Variants in SP140L observed in about 807,000 individuals in gnomAD.
SP140L encodes SP140 like nuclear body protein, also known as nuclear body protein SP140-like protein.
In SP140L, 64 loss-of-function variants were observed where a neutral mutation model predicts 84.3. The observed-to-expected ratio is 0.76, with a 90% CI of 0.62 to 0.94. The LOEUF is 0.94. Among genes scored for constraint, SP140L ranks in the 40% least tolerant of loss-of-function variants. SP140L has a pLI of 0.00. For synonymous variants in SP140L, 242 were observed against 236.9 expected (o/e 1.02, Z -0.20); for missense variants, 628 against 692.5 (o/e 0.91, Z 1.05).
chr2:230,358,385 T>G (rs1168409820), intron 3 of SP140L, among the ~76,000 whole-genome samples: 1 of 152,232 alleles, frequency 6.6e-6, no homozygotes, highest in Non-Finnish European at 1.5e-5. Context: ...TGCTTGTTAT[T>G]CTTTCTCCAA....
At chr2:230,371,099 A>G (rs759026827) in intron 6 of SP140L, 132 bp downstream of exon 6, 30 of 730,760 alleles carry the variant, frequency 4.1e-5, no homozygotes, top group Middle Eastern at 2.4e-4. Context: ...CCTTTGGGGA[A>G]CTGCAGAGAG....
intron 1 of SP140L, 131 bp downstream of exon 1, chr2:230,327,432 T>C (rs925341051): frequency 8.7e-6 from 9 of 1,038,486 alleles, no homozygotes; most frequent in South Asian, 1.6e-5. Context: ...TAGTGTAATA[T>C]AATGGAATAA....
Position 230,393,433 on chromosome 2 carries a change from C to CT in SP140L, c.1128dup (p.Pro377SerfsTer18). 1.9e-6 allele frequency: 3 copies of CT among 1,586,476 alleles called. No individual in the cohort carries two copies. Among genetic ancestry groups the CT allele is most frequent in the Non-Finnish European group, 8.6e-7 (1 of 1,168,570 alleles). On this transcript the variant is annotated frameshift_variant, in exon 13 of 19. Transcript: ENST00000415673. LOFTEE classifies it high-confidence loss of function. ...TTTCAGGAAGGATCTCTACCTAATC[C>CT]TCCAAGAATATATTACAGGAACAAA... is the stretch of plus-strand genomic sequence containing the variant.
intron 9 of SP140L, among the ~76,000 whole-genome samples, chr2:230,386,962 G>A (rs561531668): frequency 5.7e-4 from 87 of 152,302 alleles, no homozygotes; most frequent in Non-Finnish European, 9.7e-4. Flanking sequence ...CGGTGAGTGC[G>A]GACCCTCAGG....
chr2:230,340,189 T>C (rs1169687409), intron 2 of SP140L, among the ~76,000 whole-genome samples: 1 of 151,798 alleles, frequency 6.6e-6, no homozygotes, highest in Non-Finnish European at 1.5e-5. Flanking sequence ...ATTGAGTGCA[T>C]ATATATTTAG....
At chr2:230,345,685 G>A (rs538003756) in intron 2 of SP140L, among the ~76,000 whole-genome samples, 11 of 151,468 alleles carry the variant, frequency 7.3e-5, no homozygotes, top group African/African-American at 2.7e-4. Context: ...GTTACTGTGA[G>A]GCTTACATAA....
At chr2:230,366,564 A>C (rs1470667346) in intron 5 of SP140L, among the ~76,000 whole-genome samples, 1 of 151,332 alleles carries the variant, frequency 6.6e-6, no homozygotes, top group Non-Finnish European at 1.5e-5. Flanking sequence ...TTTTTTTATT[A>C]TTATTCATTC....
chr2:230,393,411 C>A lies in SP140L; in HGVS notation c.1108-3C>A, dbSNP rs777069870. ...TATGTACCTTGGTCTTTTTATCTTT[C>A]AGGAAGGATCTCTACCTAATCCTCC... On this transcript the variant is annotated splice_polypyrimidine_tract_variant and splice_region_variant and intron_variant, in intron 12 of 18. Transcript: ENST00000415673. The A allele has an allele frequency of 8.2e-6, 13 of 1,583,008 alleles. No individual in the cohort carries two copies. Among genetic ancestry groups the A allele is most frequent in the Non-Finnish European group, 1.0e-5 (12 of 1,166,678 alleles).
intron 2 of SP140L, among the ~76,000 whole-genome samples, chr2:230,354,925 GAAA>G (rs1254953808): frequency 7.0e-6 from 1 of 142,074 alleles, no homozygotes; most frequent in Non-Finnish European, 1.5e-5. Flanking sequence ...GAAAAAGAAA[GAAA>G]AAAGAAAAAG....
Position 230,392,097 on chromosome 2 carries a change from A to C in SP140L, c.975A>C (p.Ala325=), listed in dbSNP as rs7559665. ...ACCCTGGTCTTACAGGAACCTTGGC[A>C]AAGTGTATACAGACTGAGGATGGAA... ...HKEKLEQGTL[A]KCIQTEDGKW... is the part of the protein sequence containing the mutation. Residue 325 remains alanine (A), a synonymous_variant, in exon 12 of 19, where the codon GCA becomes GCC. Coordinates refer to ENST00000415673, the MANE Select transcript of SP140L (RefSeq NM_138402.6). The C allele has an allele frequency of 6.2e-7, 1 of 1,613,596 alleles. No homozygotes were observed.
intron 5 of SP140L, among the ~76,000 whole-genome samples, chr2:230,369,109 A>C (rs1339043909): frequency 3.9e-5 from 6 of 152,210 alleles, no homozygotes; most frequent in African/African-American, 1.4e-4. Flanking sequence ...TTGTCTGGGA[A>C]AGCCTTTCAC....
chr2:230,370,979 T>A lies in SP140L; in HGVS notation c.583+12T>A. The A allele has an allele frequency of 6.2e-7, 1 of 1,613,076 alleles. No homozygotes were observed. The highest frequency in any genetic ancestry group is 1.1e-5 in the South Asian group (1 of 90,958). On this transcript the variant is annotated intron_variant, in intron 6 of 18. Transcript: ENST00000415673. ...ATGTGGCAAAATGGGTAAGGCTGCC[T>A]GAGGGCTGTGGGATGGGGTGGCTCA...
Position 230,358,946 on chromosome 2 carries a change from C to T in SP140L, c.271-18C>T. 4 of 1,542,750 alleles carry T rather than the reference C, an allele frequency of 2.6e-6. No individual in the cohort carries two copies. The highest frequency in any genetic ancestry group is 1.3e-5 in the South Asian group (1 of 78,736). On this transcript the variant is annotated intron_variant, in intron 3 of 18. Coordinates refer to ENST00000415673, the MANE Select transcript of SP140L (RefSeq NM_138402.6). The stretch of plus-strand genomic sequence containing the variant: ...TGAAAGTCTGTATTTGTATTTTCTC[C>T]ATTCAATATTTTTAAAGGATTCTGA...
intron 16 of SP140L, 101 bp from the exon 17 acceptor site, chr2:230,401,265 A>T: frequency 6.3e-7 from 1 of 1,594,588 alleles, no homozygotes; most frequent in Non-Finnish European, 8.5e-7. Context: ...CACATGTTAG[A>T]GAAACTTGAG....
intron 14 of SP140L, 83 bp from the exon 15 acceptor site, chr2:230,400,044 A>G (rs1278106750): frequency 3.6e-6 from 5 of 1,407,536 alleles, no homozygotes; most frequent in Non-Finnish European, 5.0e-6. Flanking sequence ...CTCACACATA[A>G]GCAGTGTGTT....
At chr2:230,385,984 C>T (rs1192560126) in intron 9 of SP140L, among the ~76,000 whole-genome samples, 1 of 152,120 alleles carries the variant, frequency 6.6e-6, no homozygotes, top group East Asian at 1.9e-4. Context: ...CAGGTGCAGC[C>T]GTGAAATGAC....
intron 11 of SP140L, 58 bp from the exon 12 acceptor site, chr2:230,392,029 C>A: frequency 6.2e-7 from 1 of 1,605,126 alleles, no homozygotes; most frequent in Non-Finnish European, 8.5e-7. Flanking sequence ...GGTGAGTGGC[C>A]ACAGTCTGAG....
At chr2:230,345,049 C>G (rs556311492) in intron 2 of SP140L, among the ~76,000 whole-genome samples, 14 of 152,226 alleles carry the variant, frequency 9.2e-5, no homozygotes, top group Admixed American at 3.9e-4. Context: ...AGATCAAAAT[C>G]CTTATGATTT....
At chr2:230,339,620 C>T (rs1213283391) in intron 2 of SP140L, among the ~76,000 whole-genome samples, 12 of 147,664 alleles carry the variant, frequency 8.1e-5, no homozygotes, top group Admixed American at 8.1e-4. Flanking sequence ...CCTGCTTTCT[C>T]TTGTGGGCAT....
Sources: allele counts gnomAD v4.1 joint callset (sites outside exome capture counted in the v4.1 genomes callset), GRCh38; gene constraint gnomAD v4.1.1; transcripts MANE v1.5; gene names NCBI Gene and HGNC (gene_info 2026-07-23, HGNC 2026-07-21).